CTNNA3: variants seen among roughly 807,000 people sequenced by gnomAD.
CTNNA3 encodes the protein catenin alpha 3.
A neutral mutation model predicts 95.7 loss-of-function variants in CTNNA3; 76 were observed. The observed-to-expected ratio is 0.79, with a 90% confidence interval of 0.66 to 0.96. The LOEUF is 0.96. Ranked by LOEUF, CTNNA3 falls within the 40% of genes least tolerant of loss-of-function variation. CTNNA3 has a pLI of 0.00. For synonymous variants in CTNNA3, 431 were observed against 374.4 expected, an observed-to-expected ratio of 1.15 and a Z score of -1.74; for missense variants, 1,191 against 1,089.8, an observed-to-expected ratio of 1.09 and a Z score of -1.31.
intron 7 of CTNNA3, among the ~76,000 whole-genome samples, chr10:67,041,234 T>C (rs768784463): frequency 9.2e-5 from 14 of 152,060 alleles, no homozygotes; most frequent in Non-Finnish European, 1.6e-4. Context: ...TGAGATGTGA[T>C]GAGCTAGTGT....
intron 7 of CTNNA3, among the ~76,000 whole-genome samples, chr10:66,985,958 C>T (rs994976008): frequency 5.3e-5 from 8 of 152,094 alleles, no homozygotes; most frequent in African/African-American, 1.7e-4. Flanking sequence ...GATCTCCTGA[C>T]CTCATGATCC....
At chr10:66,862,114 T>C (rs61641590) in intron 7 of CTNNA3, among the ~76,000 whole-genome samples, 21,644 of 152,138 alleles carry the variant, frequency 0.14, 1,895 homozygotes, top group South Asian at 0.25. Flanking sequence ...CTCGGGAGGC[T>C]GAGGCAGGAG....
intron 1 of CTNNA3, among the ~76,000 whole-genome samples, chr10:67,744,925 C>G (rs1333266748): frequency 6.6e-6 from 1 of 151,860 alleles, no homozygotes; most frequent in Non-Finnish European, 1.5e-5. Flanking sequence ...TCATCACTGG[C>G]CATCAGAGAA....
rs114651465 is a variant in CTNNA3, at chr10:67,463,078, A to G, written c.579+58764T>C. ...ACCACCACACCCGGCTAATTTTTCT[A>G]TGTTCAGTAGAGACGGGGTTTAACC... On this transcript the variant is annotated intron_variant, in intron 5 of 17. Coordinates refer to ENST00000433211, the MANE Select transcript of CTNNA3 (RefSeq NM_013266.4). Among the ~76,000 whole-genome samples, 1,268 of 151,680 alleles carry G rather than the reference A, an allele frequency of 8.4e-3. 13 individuals carry two copies. The highest frequency in any genetic ancestry group is 0.02 in the Middle Eastern group (6 of 294).
chr10:66,745,986 G>A (rs1218021707), intron 9 of CTNNA3, among the ~76,000 whole-genome samples: 1 of 152,090 alleles, frequency 6.6e-6, no homozygotes, highest in African/African-American at 2.4e-5. Flanking sequence ...TAGATAATAA[G>A]TCATATTAAT....
intron 12 of CTNNA3, among the ~76,000 whole-genome samples, chr10:66,310,490 G>A (rs1216053181): frequency 6.6e-6 from 1 of 152,118 alleles, no homozygotes; most frequent in Non-Finnish European, 1.5e-5. Flanking sequence ...CTGGAAAACT[G>A]GGTACATTCC....
intron 13 of CTNNA3, among the ~76,000 whole-genome samples, chr10:66,154,090 T>C (rs934776953): frequency 2.6e-5 from 4 of 151,822 alleles, no homozygotes; most frequent in African/African-American, 9.7e-5. Flanking sequence ...ATTCAGCAAA[T>C]AAATAAGGCA....
At chr10:66,090,818 T>C (rs192093406) in intron 14 of CTNNA3, among the ~76,000 whole-genome samples, 14 of 152,154 alleles carry the variant, frequency 9.2e-5, no homozygotes, top group Non-Finnish European at 1.6e-4. Flanking sequence ...GAGTGCTATA[T>C]AGCCTAAACA....
intron 13 of CTNNA3, among the ~76,000 whole-genome samples, chr10:66,217,258 G>A (rs2088607562): frequency 6.6e-6 from 1 of 151,252 alleles, no homozygotes; most frequent in Non-Finnish European, 1.5e-5. Context: ...GGAGGCTGAG[G>A]CAGAGAATTG....
chr10:67,319,913 A>AG (rs1266003511), intron 5 of CTNNA3, among the ~76,000 whole-genome samples: 2 of 151,634 alleles, frequency 1.3e-5, no homozygotes, highest in Non-Finnish European at 2.9e-5. Context: ...AAAAAAAAAA[A>AG]AAAATTCTAA....
At chr10:66,179,280 T>A (rs146753241) in intron 13 of CTNNA3, among the ~76,000 whole-genome samples, 1 of 151,850 alleles carries the variant, frequency 6.6e-6, no homozygotes. Context: ...CAGACTTACG[T>A]TGAGTGAAAA....
intron 12 of CTNNA3, among the ~76,000 whole-genome samples, chr10:66,318,463 T>C (rs2092134786): frequency 6.6e-6 from 1 of 152,004 alleles, no homozygotes; most frequent in Non-Finnish European, 1.5e-5. Context: ...GATCCATAGA[T>C]ACCAATTACT....
At chr10:66,334,122 T>C (rs2092366227) in intron 12 of CTNNA3, among the ~76,000 whole-genome samples, 1 of 152,060 alleles carries the variant, frequency 6.6e-6, no homozygotes, top group South Asian at 2.1e-4. Context: ...CCCATGTGTG[T>C]CTCTGCATGT....
At chr10:66,853,066 A>C (rs1386161528) in intron 7 of CTNNA3, among the ~76,000 whole-genome samples, 1 of 97,936 alleles carries the variant, frequency 1.0e-5, no homozygotes, top group Non-Finnish European at 2.5e-5. Context: ...TGAGCTAGAA[A>C]TGGTTTCACA....
chr10:66,170,241 CTTTTTTTT>C (rs57644952), intron 13 of CTNNA3, among the ~76,000 whole-genome samples: 51 of 73,362 alleles, frequency 7.0e-4, no homozygotes, highest in African/African-American at 2.4e-3. Context: ...TCCTCATTGT[CTTTTTTTT>C]TTTTTTTTTT....
In CTNNA3 at chr10:66,884,852, G is replaced by T. The variant is rs193106457; in HGVS notation, c.1048-109328C>A. On this transcript the variant is annotated intron_variant, in intron 7 of 17. Coordinates refer to ENST00000433211, the MANE Select transcript of CTNNA3 (RefSeq NM_013266.4). ...TTTGGGCAATCCTGAACACCCAGGG[G>T]ATACCCGTGTGGTAGTAGGCAAGTC... Among the ~76,000 whole-genome samples, 46 of 152,224 alleles carry T rather than the reference G, an allele frequency of 3.0e-4. No individual in the cohort carries two copies. The East Asian group carries it at 8.7e-3, about 29-fold the overall frequency.
chr10:65,948,001 G>A (rs2077545212), intron 17 of CTNNA3, among the ~76,000 whole-genome samples: 1 of 152,222 alleles, frequency 6.6e-6, no homozygotes, highest in Admixed American at 6.5e-5. Flanking sequence ...TGCGCGGCCA[G>A]GCGCGGTGGC....
chr10:66,284,110 A>C (rs1458173869), intron 12 of CTNNA3, among the ~76,000 whole-genome samples: 1 of 151,822 alleles, frequency 6.6e-6, no homozygotes, highest in Admixed American at 6.6e-5. Flanking sequence ...CCTTTTGGTC[A>C]ACACCCCGGC....
intron 7 of CTNNA3, among the ~76,000 whole-genome samples, chr10:66,841,654 C>T (rs1843068882): frequency 6.6e-6 from 1 of 152,086 alleles, no homozygotes; most frequent in South Asian, 2.1e-4. Context: ...GTCTATGCAA[C>T]CATTCATAGA....
Sources: allele counts gnomAD v4.1 joint callset (sites outside exome capture counted in the v4.1 genomes callset), GRCh38; gene constraint gnomAD v4.1.1; transcripts MANE v1.5; gene names NCBI Gene and HGNC (gene_info 2026-07-23, HGNC 2026-07-21).